Variants in ADAM22 observed in about 807,000 individuals in gnomAD.
The protein encoded by ADAM22 is ADAM metallopeptidase domain 22, also known as disintegrin and metalloproteinase domain-containing protein 22.
ADAM22 carries 65 observed loss-of-function variants against 144.6 expected under a neutral mutation model. The observed-to-expected ratio is 0.45, with a 90% CI of 0.37 to 0.55. The LOEUF (loss-of-function observed/expected upper bound fraction) is 0.55, where lower values mean the gene tolerates loss of function less well. Among genes scored for constraint, ADAM22 ranks in the 20% least tolerant of loss-of-function variants. ADAM22 has a pLI of 0.00. For missense variants in ADAM22, 974 were observed against 1,184.9 expected (o/e 0.82, Z 2.61); for synonymous variants, 391 against 412.6 (o/e 0.95, Z 0.63).
intron 4 of ADAM22, among the ~76,000 whole-genome samples, chr7:88,083,222 G>T (rs1817372933): frequency 1.3e-5 from 2 of 152,198 alleles, no homozygotes; most frequent in East Asian, 3.9e-4. Flanking sequence ...ATCATTCTCA[G>T]CAAACTATTG....
chr7:88,088,840 A>G (rs368121874), intron 4 of ADAM22, among the ~76,000 whole-genome samples: 1 of 152,230 alleles, frequency 6.6e-6, no homozygotes, highest in East Asian at 1.9e-4. Context: ...TATGTGCAAT[A>G]TAACACCGTG....
chr7:87,941,635 A>G (rs772039250), intron 2 of ADAM22, among the ~76,000 whole-genome samples: 1 of 152,152 alleles, frequency 6.6e-6, no homozygotes, highest in Non-Finnish European at 1.5e-5. Context: ...CCTACCAACC[A>G]TCTTCTTTTC....
At position 88,184,812 on chromosome 7, in the gene ADAM22, C is replaced by T. The variant is rs552239705; in HGVS notation, c.2664-1803C>T. ...GAACTCTCTGGTGAAGTGACCACAGCCTTCTGAAATGCTCCCTCAAACAGA... is the reference window on the plus strand; with the variant it reads ...GAACTCTCTGGTGAAGTGACCACAGTCTTCTGAAATGCTCCCTCAAACAGA... On this transcript the variant is annotated intron_variant, in intron 29 of 31. Transcript: ENST00000413139. Among the ~76,000 whole-genome samples the T allele has an allele frequency of 2.0e-5, 3 of 152,250 alleles. No individual in the cohort carries two copies. In the South Asian group the frequency reaches 6.2e-4, roughly 32 times the overall value.
At chr7:88,084,605 C>A (rs1034370473) in intron 4 of ADAM22, among the ~76,000 whole-genome samples, 2 of 152,090 alleles carry the variant, frequency 1.3e-5, no homozygotes, top group African/African-American at 4.8e-5. Context: ...GTGCTTAGCT[C>A]TTTGAGATGT....
intron 20 of ADAM22, among the ~76,000 whole-genome samples, chr7:88,153,000 A>T (rs1357017983): frequency 2.6e-5 from 4 of 152,154 alleles, no homozygotes; most frequent in African/African-American, 9.7e-5. Context: ...AACTAAATAC[A>T]TTTGTTTACT....
chr7:88,134,755 T>C (rs1252616643), intron 13 of ADAM22, among the ~76,000 whole-genome samples: 1 of 152,168 alleles, frequency 6.6e-6, no homozygotes, highest in African/African-American at 2.4e-5. Flanking sequence ...CGTACTGGTT[T>C]TTTTATGTTT....
At chr7:88,096,772 G>A (rs1014276442) in intron 4 of ADAM22, among the ~76,000 whole-genome samples, 3 of 151,980 alleles carry the variant, frequency 2.0e-5, no homozygotes, top group African/African-American at 4.8e-5. Context: ...GAACAAGAAG[G>A]GACTCTGGTG....
At chr7:88,023,442 T>C (rs1585078188) in intron 3 of ADAM22, among the ~76,000 whole-genome samples, 1 of 152,310 alleles carries the variant, frequency 6.6e-6, no homozygotes, top group African/African-American at 2.4e-5. Context: ...TATTTAGAGA[T>C]GGAGTCTTGC....
chr7:87,943,798 A>T (rs1043044828), intron 2 of ADAM22, among the ~76,000 whole-genome samples: 3 of 152,180 alleles, frequency 2.0e-5, no homozygotes, highest in Non-Finnish European at 2.9e-5. Flanking sequence ...ATTTGTGTTG[A>T]AGAGATTTTC....
Position 88,008,503 on chromosome 7 carries a change from A to G in ADAM22, c.323+30091A>G, listed in dbSNP as rs138323433. 9.1e-3 allele frequency among the ~76,000 whole-genome samples: 1,388 copies of G among 152,320 alleles called. 13 individuals carry two copies. Among genetic ancestry groups the G allele is most frequent in the Non-Finnish European group, 0.012 (842 of 68,042 alleles). On this transcript the variant is annotated intron_variant, in intron 3 of 31. Coordinates refer to ENST00000413139, the MANE Select transcript of ADAM22 (RefSeq NM_001324418.2). ...TAGCAAAGACTTGGAACCAAGGCAAATGTCCAACAATGATAGACTGGATTA... is the reference window on the plus strand; with the variant it reads ...TAGCAAAGACTTGGAACCAAGGCAAGTGTCCAACAATGATAGACTGGATTA...
intron 11 of ADAM22, 178 bp downstream of exon 11, chr7:88,131,613 A>G (rs1831798460): frequency 1.7e-6 from 1 of 579,186 alleles, no homozygotes; most frequent in East Asian, 2.8e-5. Context: ...GAAAATGTAA[A>G]AGTTTTAATT....
chr7:88,155,411 T>C (rs2129527539), intron 21 of ADAM22, among the ~76,000 whole-genome samples: 1 of 151,616 alleles, frequency 6.6e-6, no homozygotes, highest in East Asian at 1.9e-4. Context: ...TAGTCCCAGC[T>C]ACCTGGGAGG....
At chr7:88,162,496 A>AAAAATGG (rs1204211074) in intron 22 of ADAM22, among the ~76,000 whole-genome samples, 1 of 152,152 alleles carries the variant, frequency 6.6e-6, no homozygotes, top group Non-Finnish European at 1.5e-5. Flanking sequence ...TAAAAGTTTA[A>AAAAATGG]AAAATGGTGA....
intron 12 of ADAM22, among the ~76,000 whole-genome samples, 167 bp from the exon 13 acceptor site, chr7:88,134,162 A>G: frequency 6.6e-6 from 1 of 152,148 alleles, no homozygotes; most frequent in East Asian, 1.9e-4. Context: ...GTTTCTTACT[A>G]CTTTTTCCCA....
chr7:88,016,295 T>A (rs1455161086), intron 3 of ADAM22, among the ~76,000 whole-genome samples: 1 of 152,174 alleles, frequency 6.6e-6, no homozygotes, highest in East Asian at 1.9e-4. Flanking sequence ...TTGGTTAGGG[T>A]CCTATCTAAC....
chr7:87,950,157 C>CT (rs1341616399), intron 2 of ADAM22, among the ~76,000 whole-genome samples: 2 of 151,782 alleles, frequency 1.3e-5, no homozygotes, highest in African/African-American at 4.8e-5. Flanking sequence ...TATTATTATA[C>CT]TTTAAGTTTT....
chr7:88,123,598 T>C (rs1829791420), intron 7 of ADAM22, among the ~76,000 whole-genome samples: 1 of 152,020 alleles, frequency 6.6e-6, no homozygotes, highest in African/African-American at 2.4e-5. Flanking sequence ...ATCAATTTTA[T>C]TGATTTTTGT....
At chr7:88,131,510 C>G in intron 11 of ADAM22, 75 bp downstream of exon 11, 1 of 1,457,310 alleles carries the variant, frequency 6.9e-7, no homozygotes, top group Non-Finnish European at 9.5e-7. Context: ...GAAATGTATC[C>G]TTTCTGCTAC....
At chr7:87,952,511 A>G (rs1845502864) in intron 2 of ADAM22, among the ~76,000 whole-genome samples, 1 of 151,952 alleles carries the variant, frequency 6.6e-6, no homozygotes, top group African/African-American at 2.4e-5. Context: ...CATGGTGGAT[A>G]AGCTTTTTGA....
Sources: allele counts gnomAD v4.1 joint callset (sites outside exome capture counted in the v4.1 genomes callset), GRCh38; gene constraint gnomAD v4.1.1; transcripts MANE v1.5; gene names NCBI Gene and HGNC (gene_info 2026-07-23, HGNC 2026-07-21).